Variants in GNPNAT1 observed in about 807,000 individuals in gnomAD.
GNPNAT1 encodes glucosamine 6-phosphate N-acetyltransferase.
GNPNAT1 carries 11 observed loss-of-function variants against 19.8 expected under a neutral mutation model. The ratio of observed to expected loss-of-function variants is 0.56; its 90% CI spans 0.35 to 0.92. The LOEUF (loss-of-function observed/expected upper bound fraction) is 0.92, where lower values mean the gene tolerates loss of function less well. Ranked by LOEUF, GNPNAT1 falls within the 40% of genes least tolerant of loss-of-function variation. The probability of loss-of-function intolerance (pLI) is 0.01; values close to 1 mark genes in which losing one functional copy is unlikely to be tolerated. For missense variants in GNPNAT1, 157 were observed against 211.0 expected (o/e 0.74, Z 1.59); for synonymous variants, 71 against 72.3 (o/e 0.98, Z 0.09).
chr14:52,788,284 C>A (rs756199791), intron 1 of GNPNAT1, among the ~76,000 whole-genome samples: 22 of 151,332 alleles, frequency 1.5e-4, no homozygotes, highest in Non-Finnish European at 2.8e-4. Context: ...CAGGCTCATA[C>A]CACCACGCCT....
At chr14:52,782,817 T>C (rs981113429) in intron 3 of GNPNAT1, among the ~76,000 whole-genome samples, 1 of 152,076 alleles carries the variant, frequency 6.6e-6, no homozygotes. Flanking sequence ...CTATTAAATA[T>C]TACTAAATAT....
At chr14:52,785,230 TATC>T (rs1003557780) in intron 1 of GNPNAT1, among the ~76,000 whole-genome samples, 2 of 151,842 alleles carry the variant, frequency 1.3e-5, no homozygotes, top group African/African-American at 4.8e-5. Flanking sequence ...GCCCGGCTAT[TATC>T]AGGTCTTTTA....
intron 3 of GNPNAT1, 93 bp from the exon 4 acceptor site, chr14:52,782,004 A>G: frequency 8.9e-7 from 1 of 1,129,784 alleles, no homozygotes; most frequent in Non-Finnish European, 1.2e-6. Flanking sequence ...TAATTACTAA[A>G]TGTTTAAAGC....
At chr14:52,788,908 A>G (rs1566690267) in intron 1 of GNPNAT1, among the ~76,000 whole-genome samples, 1 of 152,210 alleles carries the variant, frequency 6.6e-6, no homozygotes, top group East Asian at 1.9e-4. Context: ...ATTTTCTTGT[A>G]CTTTTCTTTG....
At chr14:52,787,719 A>C (rs1217006687) in intron 1 of GNPNAT1, 1 of 152,160 alleles carries the variant, frequency 6.6e-6, no homozygotes, top group Non-Finnish European at 1.5e-5. Context: ...GCATTACTGT[A>C]TGCAGTCATG....
chr14:52,787,529 G>T (rs1883050389), intron 1 of GNPNAT1, among the ~76,000 whole-genome samples: 1 of 152,088 alleles, frequency 6.6e-6, no homozygotes, highest in Non-Finnish European at 1.5e-5. Flanking sequence ...TAAGTAACTT[G>T]CCCAAGGTCA....
Position 52,778,262 on chromosome 14 carries a change from A to G in GNPNAT1, c.*49T>C. ...AACAAAATATTTCAACTCTAGGAAG[A>G]GTGTAGCCTTGTAGCATTAGCCCCT... is the stretch of plus-strand genomic sequence containing the variant. On this transcript the variant is annotated 3_prime_UTR_variant, in exon 6 of 6. Coordinates refer to ENST00000216410, the MANE Select transcript of GNPNAT1 (RefSeq NM_198066.4). 1 of 1,387,094 alleles carries G rather than the reference A, an allele frequency of 7.2e-7. No individual in the cohort carries two copies. Among genetic ancestry groups the G allele is most frequent in the Non-Finnish European group, 9.7e-7 (1 of 1,027,552 alleles). The allele number at this position is 1,387,094 out of a possible 1,614,324, so 85.9% of individuals were successfully genotyped here. A position where few individuals can be genotyped will look rare whatever the true frequency, so the allele number is the denominator to read the frequency against.
At chr14:52,789,986 CAAAAAAAAAAAA>C (rs200756037) in intron 1 of GNPNAT1, among the ~76,000 whole-genome samples, 1 of 107,224 alleles carries the variant, frequency 9.3e-6, no homozygotes, top group East Asian at 2.5e-4. Flanking sequence ...TCCAGAAGGA[CAAAAAAAAAAAA>C]AAAAAAAAAA....
At chr14:52,789,259 G>A (rs950152576) in intron 1 of GNPNAT1, among the ~76,000 whole-genome samples, 2 of 152,178 alleles carry the variant, frequency 1.3e-5, no homozygotes, top group Non-Finnish European at 2.9e-5. Context: ...GATTACCACA[G>A]ATTACGTAGC....
At chr14:52,784,754 G>A in intron 1 of GNPNAT1, 90 bp from the exon 2 acceptor site, 1 of 561,780 alleles carries the variant, frequency 1.8e-6, no homozygotes, top group Non-Finnish European at 3.0e-6. Flanking sequence ...AATGCAATTA[G>A]AAGCATTCTT....
intron 3 of GNPNAT1, 69 bp from the exon 4 acceptor site, chr14:52,781,980 A>G: frequency 2.9e-6 from 4 of 1,379,710 alleles, no homozygotes; most frequent in Non-Finnish European, 3.9e-6. Flanking sequence ...GAAAAATATT[A>G]GGATTAGCTG....
intron 1 of GNPNAT1, among the ~76,000 whole-genome samples, chr14:52,789,686 A>G (rs533261635): frequency 6.6e-6 from 1 of 152,326 alleles, no homozygotes; most frequent in East Asian, 1.9e-4. Context: ...GTAATTTTAT[A>G]TAAATAATCT....
At chr14:52,786,059 CTT>C (rs139721043) in intron 1 of GNPNAT1, among the ~76,000 whole-genome samples, 7 of 133,520 alleles carry the variant, frequency 5.2e-5, no homozygotes, top group Non-Finnish European at 7.9e-5. Context: ...CCACATGTAG[CTT>C]TTTTTTTTTT....
At chr14:52,790,511 A>G (rs1883145934) in intron 1 of GNPNAT1, among the ~76,000 whole-genome samples, 1 of 152,188 alleles carries the variant, frequency 6.6e-6, no homozygotes, top group African/African-American at 2.4e-5. Flanking sequence ...GACCTTTACA[A>G]TCTAGGCGTT....
chr14:52,781,027 C>T (rs754426351), intron 4 of GNPNAT1, among the ~76,000 whole-genome samples: 7 of 152,082 alleles, frequency 4.6e-5, no homozygotes, highest in Non-Finnish European at 7.4e-5. Context: ...TTGTTTCCTA[C>T]TAGTATGAGA....
chr14:52,779,244 G>A (rs1052446473), intron 5 of GNPNAT1, among the ~76,000 whole-genome samples: 2 of 152,006 alleles, frequency 1.3e-5, no homozygotes, highest in African/African-American at 2.4e-5. Flanking sequence ...CTCAAGATTG[G>A]TCTAATTAAT....
At chr14:52,781,445 G>A (rs1056469510) in intron 4 of GNPNAT1, among the ~76,000 whole-genome samples, 4 of 151,976 alleles carry the variant, frequency 2.6e-5, no homozygotes, top group South Asian at 2.1e-4. Context: ...TAATTAGAAC[G>A]GAATAATCTG....
chr14:52,784,702 A>C, intron 1 of GNPNAT1, 38 bp from the exon 2 acceptor site: 1 of 842,232 alleles, frequency 1.2e-6, no homozygotes. Flanking sequence ...ACTTTATTTA[A>C]TAGAAGGAAA....
intron 5 of GNPNAT1, among the ~76,000 whole-genome samples, chr14:52,779,027 A>G (rs138386633): frequency 3.9e-5 from 6 of 152,106 alleles, no homozygotes; most frequent in African/African-American, 1.4e-4. Flanking sequence ...AAAAAGAAAA[A>G]CGAATTTTAA....
Sources: gnomAD v4.1 joint callset for allele counts (sites outside exome capture counted in the v4.1 genomes callset) on GRCh38, gnomAD v4.1.1 for gene constraint, MANE v1.5 for transcripts, NCBI Gene and HGNC (gene_info 2026-07-23, HGNC 2026-07-21) for gene names.